Variants in ZNF490 observed in about 807,000 individuals in gnomAD.
The protein encoded by ZNF490 is zinc finger protein 490.
ZNF490 carries 11 observed loss-of-function variants against 17.7 expected under a neutral mutation model. That is an observed-to-expected ratio of 0.62 (90% CI 0.39 to 1.03). The LOEUF (loss-of-function observed/expected upper bound fraction) is 1.03, where lower values mean the gene tolerates loss of function less well. ZNF490 is among the 50% of genes least tolerant of loss of function. The pLI is 0.00. For missense variants in ZNF490, 542 were observed against 643.4 expected (o/e 0.84, Z 1.71); for synonymous variants, 222 against 216.1 (o/e 1.03, Z -0.24).
intron 2 of ZNF490, among the ~76,000 whole-genome samples, chr19:12,600,100 CGCCTGTAATCCCA>C (rs1390567257): frequency 6.6e-6 from 1 of 152,100 alleles, no homozygotes; most frequent in African/African-American, 2.4e-5. Context: ...CCGTGGCTCA[CGCCTGTAATCCCA>C]GCACTTTGGG....
intron 2 of ZNF490, chr19:12,597,006 G>T: frequency 2.4e-6 from 1 of 414,338 alleles, no homozygotes; most frequent in South Asian, 1.7e-5. Context: ...GGGACAGAAC[G>T]CCTGAGGTCC....
intron 2 of ZNF490, among the ~76,000 whole-genome samples, chr19:12,607,372 T>A (rs1038871803): frequency 6.6e-5 from 10 of 151,782 alleles, no homozygotes; most frequent in Non-Finnish European, 1.3e-4. Flanking sequence ...AGAATTTTTT[T>A]AAAATTAGCC....
At chr19:12,605,273 G>A (rs192238502) in intron 2 of ZNF490, among the ~76,000 whole-genome samples, 47 of 152,272 alleles carry the variant, frequency 3.1e-4, no homozygotes, top group Admixed American at 2.6e-3. Flanking sequence ...CTTGAGACCT[G>A]GAGGTTGAGA....
chr19:12,610,496 C>A, intron 1 of ZNF490, 68 bp downstream of exon 1: 1 of 1,242,010 alleles, frequency 8.1e-7, no homozygotes, highest in South Asian at 1.2e-5. Context: ...ATGGGGTAAC[C>A]GTCTGTTTAT....
At chr19:12,606,728 TTTTTA>T (rs2023072581) in intron 2 of ZNF490, among the ~76,000 whole-genome samples, 1 of 152,098 alleles carries the variant, frequency 6.6e-6, no homozygotes, top group African/African-American at 2.4e-5. Flanking sequence ...CACTGGAAGA[TTTTTA>T]TTTTAATGAT....
chr19:12,591,446 C>G (rs948902967), intron 2 of ZNF490, among the ~76,000 whole-genome samples: 2 of 152,000 alleles, frequency 1.3e-5, no homozygotes, highest in Non-Finnish European at 2.9e-5. Flanking sequence ...AATGAAAAGA[C>G]AAGCTACAGA....
intron 2 of ZNF490, among the ~76,000 whole-genome samples, chr19:12,590,365 C>T (rs1399761733): frequency 6.6e-6 from 1 of 151,886 alleles, no homozygotes. Context: ...TACAGGTGCA[C>T]CCAACCATGT....
chr19:12,583,227 G>A (rs2145142660), intron 3 of ZNF490, among the ~76,000 whole-genome samples: 1 of 152,068 alleles, frequency 6.6e-6, no homozygotes, highest in Non-Finnish European at 1.5e-5. Context: ...TTTTAGTAGA[G>A]ACAGGGTTTC....
intron 2 of ZNF490, among the ~76,000 whole-genome samples, chr19:12,588,791 A>C (rs2022831790): frequency 6.6e-6 from 1 of 152,248 alleles, no homozygotes; most frequent in African/African-American, 2.4e-5. Flanking sequence ...CAGAATTGAT[A>C]ACAGAAAGAT....
chr19:12,587,867 T>TTTTG lies in ZNF490; in HGVS notation c.163-4315_163-4312dup, dbSNP rs1390220474. Among the ~76,000 whole-genome samples the TTTTG allele has an allele frequency of 5.6e-5, 5 of 88,834 alleles. 1 individual carries two copies. In the South Asian group the frequency reaches 9.2e-4, roughly 16 times the overall value. 58.3% of individuals were successfully genotyped at this position (88,834 alleles called of 152,430 possible). A position where few individuals can be genotyped will look rare whatever the true frequency, so the allele number is the denominator to read the frequency against. The stretch of plus-strand genomic sequence containing the variant: ...CACACTACCACACCCAGCTAATATT[T>TTTTG]TTTGTTTGTTTGTTTGTTTGAGTCG... On this transcript the variant is annotated intron_variant, in intron 2 of 4. Coordinates refer to ENST00000311437, the MANE Select transcript of ZNF490 (RefSeq NM_020714.3).
At chr19:12,609,248 G>C in intron 1 of ZNF490, 46 bp from the exon 2 acceptor site, 1 of 1,563,890 alleles carries the variant, frequency 6.4e-7, no homozygotes, top group Non-Finnish European at 8.8e-7. Context: ...CAGCAATTTA[G>C]AACTAAACAT....
Position 12,609,967 on chromosome 19 carries a change from C to T in ZNF490, c.117+597G>A, listed in dbSNP as rs1243369609. 1.8e-5 allele frequency: 8 copies of T among 449,362 alleles called. No individual in the cohort carries two copies. The Admixed American group carries it at 2.0e-4, about 11-fold the overall frequency. The allele number at this position is 449,362 out of a possible 1,614,324, so 27.8% of individuals were successfully genotyped here. A position where few individuals can be genotyped will look rare whatever the true frequency, so the allele number is the denominator to read the frequency against. ...CCACGTAACACAAGTGCATTTGTAA[C>T]CATAAATCTACAAAAATAAAAATAA... is the stretch of plus-strand genomic sequence containing the variant. On this transcript the variant is annotated intron_variant, in intron 1 of 4. Coordinates refer to ENST00000311437, the MANE Select transcript of ZNF490 (RefSeq NM_020714.3).
At chr19:12,602,077 T>TACACACAC (rs1386548305) in intron 2 of ZNF490, among the ~76,000 whole-genome samples, 2 of 59,100 alleles carry the variant, frequency 3.4e-5, no homozygotes, top group South Asian at 1.1e-3. Context: ...CAGTTCACTA[T>TACACACAC]ATACACACAC....
chr19:12,591,044 G>A (rs1161577566), intron 2 of ZNF490, among the ~76,000 whole-genome samples: 1 of 152,018 alleles, frequency 6.6e-6, no homozygotes, highest in Non-Finnish European at 1.5e-5. Context: ...CCTTGGGTTT[G>A]ATGATGAATT....
intron 2 of ZNF490, among the ~76,000 whole-genome samples, chr19:12,594,838 T>C (rs991894514): frequency 3.9e-5 from 6 of 152,136 alleles, no homozygotes; most frequent in Admixed American, 2.0e-4. Context: ...AATCCATCCA[T>C]CAATCAATCA....
Position 12,580,565 on chromosome 19 carries a change from A to G in ZNF490, c.1510T>C (p.Cys504Arg). ...RIHTGERPFQ[C>R]RQCGKAFSYS... is the part of the protein sequence containing the mutation. ...CTGAAGGCTTTACCACATTGTCTAC[A>G]CTGAAAGGGTCTTTCTCCAGTATGA... is the stretch of plus-strand genomic sequence containing the variant. Residue 504 changes from cysteine (C) to arginine (R), a missense_variant, in exon 5 of 5, where the codon TGT becomes CGT. Coordinates refer to ENST00000311437, the MANE Select transcript of ZNF490 (RefSeq NM_020714.3). 2 of 1,614,172 alleles carry G rather than the reference A, an allele frequency of 1.2e-6. No individual in the cohort carries two copies. Among genetic ancestry groups the G allele is most frequent in the East Asian group, 2.2e-5 (1 of 44,882 alleles).
intron 2 of ZNF490, among the ~76,000 whole-genome samples, chr19:12,607,819 G>A (rs991093938): frequency 2.6e-5 from 4 of 152,018 alleles, no homozygotes; most frequent in African/African-American, 9.7e-5. Flanking sequence ...GGCCAGGATT[G>A]ATAGCTTCCC....
In ZNF490 at chr19:12,577,053, G is replaced by A. The variant is rs118063451; in HGVS notation, c.*3432C>T. Among the ~76,000 whole-genome samples the A allele has an allele frequency of 3.4e-3, 514 of 152,050 alleles. 3 individuals carry two copies. The highest frequency in any genetic ancestry group is 4.9e-3 in the Non-Finnish European group (335 of 68,006). ...CTTCTCCAGGTTTCTCTGGCTCCTC[G>A]GGAATAACCACCACAGTGCCTTATA... On this transcript the variant is annotated 3_prime_UTR_variant, in exon 5 of 5. Transcript: ENST00000311437.
At chr19:12,599,020 G>A (rs1315220924) in intron 2 of ZNF490, among the ~76,000 whole-genome samples, 10 of 146,132 alleles carry the variant, frequency 6.8e-5, no homozygotes, top group African/African-American at 1.0e-4. Context: ...GTGTGGTGGC[G>A]GGGTGCCTGT....
Sources: allele counts gnomAD v4.1 joint callset (sites outside exome capture counted in the v4.1 genomes callset), GRCh38; gene constraint gnomAD v4.1.1; transcripts MANE v1.5; gene names NCBI Gene and HGNC (gene_info 2026-07-23, HGNC 2026-07-21).